The following PALD1 variants were observed in gnomAD, a reference collection of about 807,000 sequenced individuals.
PALD1 encodes the protein phosphatase domain containing paladin 1.
PALD1 carries 57 observed loss-of-function variants against 96.0 expected under a neutral mutation model. The observed-to-expected ratio is 0.59, with a 90% CI of 0.48 to 0.74. The LOEUF (loss-of-function observed/expected upper bound fraction) is 0.74. PALD1 is among the 30% of genes least tolerant of loss of function. PALD1 has a pLI of 0.00. For missense variants in PALD1, 1,063 were observed against 1,143.7 expected, an observed-to-expected ratio of 0.93 and a Z score of 1.02; for synonymous variants, 464 against 473.6, an observed-to-expected ratio of 0.98 and a Z score of 0.26.
At chr10:70,510,927 A>G (rs1046671509) in intron 1 of PALD1, among the ~76,000 whole-genome samples, 2 of 152,066 alleles carry the variant, frequency 1.3e-5, no homozygotes, top group Non-Finnish European at 2.9e-5. Context: ...TCGTGTGTGT[A>G]TCCTTAGCTA....
intron 8 of PALD1, 75 bp from the exon 9 acceptor site, chr10:70,534,350 G>A: frequency 9.9e-7 from 1 of 1,010,342 alleles, no homozygotes; most frequent in Non-Finnish European, 1.5e-6. Flanking sequence ...GCGGCCATAT[G>A]AGTGGAGACA....
At chr10:70,492,119 G>A (rs893940002) in intron 1 of PALD1, among the ~76,000 whole-genome samples, 22 of 152,188 alleles carry the variant, frequency 1.4e-4, no homozygotes, top group Non-Finnish European at 2.6e-4. Context: ...ATACTTAGCA[G>A]TGGGATTGCT....
chr10:70,463,967 C>A, the PALD1 span, among the ~76,000 whole-genome samples: 1 of 152,170 alleles, frequency 6.6e-6, no homozygotes, highest in Admixed American at 6.5e-5. Flanking sequence ...GATACACATA[C>A]AGTAAAGTGT....
At position 70,566,750 on chromosome 10, in the gene PALD1, T is replaced by TC. The variant is rs781116723; in HGVS notation, c.*23dup. 39 of 1,547,766 alleles carry TC rather than the reference T, an allele frequency of 2.5e-5. 1 individual carries two copies. In the South Asian group the frequency reaches 4.4e-4, roughly 18 times the overall value. On this transcript the variant is annotated 3_prime_UTR_variant, in exon 20 of 20. Transcript: ENST00000263563. ...TTGCTGTAGGGGGCCTTACTCCCTGTCCCCCCACCCACAGGGCCCCACGCA... is the reference window on the plus strand; with the variant it reads ...TTGCTGTAGGGGGCCTTACTCCCTGTCCCCCCCACCCACAGGGCCCCACGCA...
chr10:70,531,217 G>A, intron 4 of PALD1, 73 bp from the exon 5 acceptor site: 1 of 1,298,810 alleles, frequency 7.7e-7, no homozygotes, highest in Non-Finnish European at 1.1e-6. Context: ...CAGAGGCCCT[G>A]AGGTGGGGCA....
chr10:70,564,619 C>T (rs559345257), intron 19 of PALD1, 100 bp downstream of exon 19: 19 of 1,134,760 alleles, frequency 1.7e-5, no homozygotes, highest in Middle Eastern at 2.8e-4. Context: ...GCGGGGACCC[C>T]GTGACAGGCG....
chr10:70,463,288 C>T, the PALD1 span, among the ~76,000 whole-genome samples: 7 of 152,118 alleles, frequency 4.6e-5, no homozygotes, highest in Non-Finnish European at 1.0e-4. Context: ...CCTGTAGTCC[C>T]AGCTACCAGC....
At chr10:70,549,138 A>C (rs1176846650) in intron 18 of PALD1, among the ~76,000 whole-genome samples, 1 of 151,814 alleles carries the variant, frequency 6.6e-6, no homozygotes, top group Non-Finnish European at 1.5e-5. Context: ...GAATTTAGGA[A>C]GAACTGTTTT....
intron 1 of PALD1, among the ~76,000 whole-genome samples, chr10:70,481,147 C>T (rs1770181587): frequency 6.6e-6 from 1 of 152,192 alleles, no homozygotes; most frequent in Non-Finnish European, 1.5e-5. Context: ...AGACAAAAGA[C>T]TCGGAGCCAC....
At chr10:70,508,382 G>A (rs1846436786) in intron 1 of PALD1, among the ~76,000 whole-genome samples, 1 of 152,212 alleles carries the variant, frequency 6.6e-6, no homozygotes, top group South Asian at 2.1e-4. Flanking sequence ...CTGTGAGGAG[G>A]TGCACTGGCT....
chr10:70,516,427 G>GC lies in PALD1; in HGVS notation c.-29-9495dup, dbSNP rs371125905. On this transcript the variant is annotated intron_variant, in intron 1 of 19. Transcript: ENST00000263563. The stretch of plus-strand genomic sequence containing the variant: ...GAGCTATCGCTCCCAGCCTTGTGTG[G>GC]CACTTTAAACAGCTGCCTTCAAATA... Among the ~76,000 whole-genome samples, 571 of 152,286 alleles carry GC rather than the reference G, an allele frequency of 3.7e-3. 4 individuals are homozygous for GC. Among genetic ancestry groups the GC allele is most frequent in the African/African-American group, 0.013 (534 of 41,544 alleles).
chr10:70,473,891 ACCC>A (rs10609984), upstream of PALD1, among the ~76,000 whole-genome samples: 3,669 of 148,622 alleles, frequency 0.025, 117 homozygotes, highest in African/African-American at 0.076. Context: ...CAGGTGATCC[ACCC>A]CCCCCCCCTC....
At chr10:70,478,546 GT>G (rs1457705334), upstream of PALD1, among the ~76,000 whole-genome samples, 1 of 152,232 alleles carries the variant, frequency 6.6e-6, no homozygotes, top group African/African-American at 2.4e-5. Context: ...TTCCCGGGCA[GT>G]CTCCCCCGCC....
At position 70,538,900 on chromosome 10, in the gene PALD1, C is replaced by T. The variant is rs749237698; in HGVS notation, c.1461C>T (p.Asp487=). Reference sequence around the variant, plus strand: ...TGGTGCTCTCCCCACAGCGGGAGGACGATCTGGTCTCCCCGGACGCGCTCA... The same window carrying T: ...TGGTGCTCTCCCCACAGCGGGAGGATGATCTGGTCTCCCCGGACGCGCTCA... ...DLIARGSLRE[D]DLVSPDALST... is the part of the protein sequence containing the mutation. The change falls in exon 13 of 20, where the codon GAC becomes GAT. Residue 487 remains aspartate, a synonymous_variant. Coordinates refer to ENST00000263563, the MANE Select transcript of PALD1 (RefSeq NM_014431.3). The T allele has an allele frequency of 2.9e-4, 472 of 1,612,976 alleles. No individual in the cohort carries two copies. The highest frequency in any genetic ancestry group is 3.6e-4 in the Non-Finnish European group (421 of 1,179,626).
At chr10:70,500,325 G>A (rs1182471261) in intron 1 of PALD1, among the ~76,000 whole-genome samples, 1 of 152,156 alleles carries the variant, frequency 6.6e-6, no homozygotes, top group East Asian at 1.9e-4. Context: ...GGTGGACACA[G>A]GCCGTGGTCG....
intron 1 of PALD1, among the ~76,000 whole-genome samples, chr10:70,516,617 G>A (rs950690264): frequency 5.3e-5 from 8 of 152,096 alleles, no homozygotes; most frequent in Admixed American, 1.3e-4. Context: ...GCAGTAGTTC[G>A]ATCATGGTTC....
chr10:70,514,161 G>A (rs771667856), intron 1 of PALD1, among the ~76,000 whole-genome samples: 3 of 152,190 alleles, frequency 2.0e-5, no homozygotes, highest in Non-Finnish European at 4.4e-5. Flanking sequence ...CCCACTTCCT[G>A]CTGCATGCCC....
At chr10:70,507,750 C>CGTGTGTGTGCGT (rs1846420130) in intron 1 of PALD1, among the ~76,000 whole-genome samples, 1 of 148,644 alleles carries the variant, frequency 6.7e-6, no homozygotes, top group African/African-American at 2.5e-5. Context: ...TTTGTGTGTG[C>CGTGTGTGTGCGT]GTGTGTGTGT....
chr10:70,531,779 C>A (rs2132370247), intron 5 of PALD1, among the ~76,000 whole-genome samples: 1 of 152,110 alleles, frequency 6.6e-6, no homozygotes, highest in African/African-American at 2.4e-5. Context: ...GGCAGGAGTT[C>A]AAGACCAGCC....
Sources: allele counts gnomAD v4.1 joint callset (sites outside exome capture counted in the v4.1 genomes callset), GRCh38; gene constraint gnomAD v4.1.1; transcripts MANE v1.5; gene names NCBI Gene and HGNC (gene_info 2026-07-23, HGNC 2026-07-21).